Variants in TMEM200A observed in about 807,000 individuals in gnomAD.
TMEM200A encodes the protein transmembrane protein 200A.
TMEM200A carries 12 observed loss-of-function variants against 24.3 expected under a neutral mutation model. The observed-to-expected ratio is 0.49, with a 90% CI of 0.32 to 0.80. The LOEUF (loss-of-function observed/expected upper bound fraction) is 0.80, where lower values mean the gene tolerates loss of function less well. Ranked by LOEUF, TMEM200A falls within the 30% of genes least tolerant of loss-of-function variation. TMEM200A has a pLI of 0.04. For synonymous variants in TMEM200A, 224 were observed against 224.4 expected (o/e 1.00, Z 0.02); for missense variants, 545 against 614.4 (o/e 0.89, Z 1.19).
intron 1 of TMEM200A, among the ~76,000 whole-genome samples, chr6:130,370,242 T>G (rs533286461): frequency 6.6e-6 from 1 of 152,324 alleles, no homozygotes; most frequent in African/African-American, 2.4e-5. Context: ...AAAGAGGTCC[T>G]TTCTCTTCCA....
chr6:130,414,284 T>C (rs1255375428), intron 2 of TMEM200A, among the ~76,000 whole-genome samples: 1 of 151,806 alleles, frequency 6.6e-6, no homozygotes, highest in African/African-American at 2.4e-5. Flanking sequence ...ATACAAAAAT[T>C]AGCTGGGTGT....
chr6:130,395,928 A>G (rs1778942229), intron 2 of TMEM200A, among the ~76,000 whole-genome samples: 1 of 152,206 alleles, frequency 6.6e-6, no homozygotes, highest in Admixed American at 6.5e-5. Flanking sequence ...TAGTGCCTTT[A>G]GTGGCTAAAA....
chr6:130,378,098 A>G (rs1403529700), intron 1 of TMEM200A, among the ~76,000 whole-genome samples: 1 of 152,158 alleles, frequency 6.6e-6, no homozygotes, highest in Non-Finnish European at 1.5e-5. Context: ...GGCCAGTGTG[A>G]TTAGAACAAA....
chr6:130,408,246 G>A (rs1436729523), intron 2 of TMEM200A, among the ~76,000 whole-genome samples: 2 of 152,186 alleles, frequency 1.3e-5, no homozygotes, highest in East Asian at 3.9e-4. Context: ...GAATTTACCA[G>A]AAGGATCAGG....
At chr6:130,387,525 G>A (rs527560716) in intron 2 of TMEM200A, among the ~76,000 whole-genome samples, 2 of 152,200 alleles carry the variant, frequency 1.3e-5, no homozygotes, top group East Asian at 1.9e-4. Flanking sequence ...CGCCTGCCTC[G>A]GCCTCCCAAA....
chr6:130,377,022 A>G (rs1328980379), intron 1 of TMEM200A, among the ~76,000 whole-genome samples: 1 of 152,178 alleles, frequency 6.6e-6, no homozygotes, highest in Non-Finnish European at 1.5e-5. Flanking sequence ...GATCTATTCA[A>G]ATATACTTAT....
intron 2 of TMEM200A, among the ~76,000 whole-genome samples, chr6:130,409,142 C>G (rs1281574861): frequency 5.9e-5 from 9 of 152,174 alleles, no homozygotes; most frequent in Non-Finnish European, 1.3e-4. Context: ...TCATGGTGGT[C>G]TAAGGTTTTC....
chr6:130,371,072 T>G (rs1001206829), intron 1 of TMEM200A, among the ~76,000 whole-genome samples: 10 of 152,176 alleles, frequency 6.6e-5, no homozygotes, highest in Admixed American at 6.5e-4. Flanking sequence ...GAAGTTCTTA[T>G]GAGGTTATAT....
In TMEM200A at chr6:130,427,319, CT is replaced by C. The variant is rs745811198; in HGVS notation, c.-16-13087del. On this transcript the variant is annotated intron_variant, in intron 2 of 2. Coordinates refer to ENST00000296978, the MANE Select transcript of TMEM200A (RefSeq NM_001258277.2). Reference sequence around the variant, plus strand: ...GCCATGAACAGAATTCTAACTATTTCTGCTCTAGAAACTCAGAAATATCATG... The same window carrying C: ...GCCATGAACAGAATTCTAACTATTTCGCTCTAGAAACTCAGAAATATCATG... 6.6e-5 allele frequency among the ~76,000 whole-genome samples: 10 copies of C among 152,288 alleles called. No homozygotes were observed. The South Asian group carries it at 1.0e-3, about 16-fold the overall frequency.
At chr6:130,436,828 G>A (rs1253300114) in intron 2 of TMEM200A, among the ~76,000 whole-genome samples, 1 of 151,590 alleles carries the variant, frequency 6.6e-6, no homozygotes, top group Non-Finnish European at 1.5e-5. Flanking sequence ...CTAAAAAAAT[G>A]TTTTGTAGAG....
intron 1 of TMEM200A, among the ~76,000 whole-genome samples, chr6:130,372,066 T>G (rs1428414655): frequency 6.6e-6 from 1 of 152,198 alleles, no homozygotes; most frequent in Non-Finnish European, 1.5e-5. Context: ...GAAGGTTAAG[T>G]GACTTGCCCG....
intron 2 of TMEM200A, among the ~76,000 whole-genome samples, chr6:130,389,128 T>G (rs965725623): frequency 6.6e-6 from 1 of 152,168 alleles, no homozygotes; most frequent in African/African-American, 2.4e-5. Flanking sequence ...CTATAGATTG[T>G]TAGATTTGGA....
intron 2 of TMEM200A, among the ~76,000 whole-genome samples, chr6:130,385,885 T>C (rs1304004880): frequency 6.6e-6 from 1 of 152,128 alleles, no homozygotes; most frequent in Non-Finnish European, 1.5e-5. Flanking sequence ...AAATGCAAAA[T>C]GAACAGTTGA....
chr6:130,437,101 C>A (rs763245239), intron 2 of TMEM200A: 1 of 152,158 alleles, frequency 6.6e-6, no homozygotes, highest in Non-Finnish European at 1.5e-5. Context: ...AACTCCATGG[C>A]AGATGTGTAT....
chr6:130,396,559 A>G (rs1778958888), intron 2 of TMEM200A, among the ~76,000 whole-genome samples: 1 of 152,014 alleles, frequency 6.6e-6, no homozygotes, highest in African/African-American at 2.4e-5. Flanking sequence ...GTTGGCAGTA[A>G]TCTATCCATA....
intron 1 of TMEM200A, among the ~76,000 whole-genome samples, chr6:130,379,481 T>G (rs1420993976): frequency 6.6e-6 from 1 of 151,126 alleles, no homozygotes; most frequent in South Asian, 2.1e-4. Context: ...TAAATATTAA[T>G]GAAGGGAGAA....
chr6:130,413,920 G>A lies in TMEM200A; in HGVS notation c.-16-26487G>A, dbSNP rs577981734. ...TCATTATCTTCCCTCTTCCAAATAG[G>A]AGTTTTAAATTCTCACACTAGAATT... On this transcript the variant is annotated intron_variant, in intron 2 of 2. Transcript: ENST00000296978. Among the ~76,000 whole-genome samples the A allele has an allele frequency of 6.6e-5, 10 of 152,136 alleles. 1 individual carries two copies. The South Asian group carries it at 2.1e-3, about 32-fold the overall frequency.
At chr6:130,387,531 C>A (rs1012361765) in intron 2 of TMEM200A, among the ~76,000 whole-genome samples, 3 of 152,176 alleles carry the variant, frequency 2.0e-5, no homozygotes, top group African/African-American at 7.2e-5. Context: ...CCTCGGCCTC[C>A]CAAAGTGCTG....
intron 2 of TMEM200A, among the ~76,000 whole-genome samples, chr6:130,423,474 G>A (rs779072042): frequency 5.9e-5 from 9 of 151,966 alleles, no homozygotes; most frequent in Non-Finnish European, 1.0e-4. Flanking sequence ...TTGGAAAATC[G>A]TTGCTTTAAA....
Sources: allele counts gnomAD v4.1 joint callset (sites outside exome capture counted in the v4.1 genomes callset), GRCh38; gene constraint gnomAD v4.1.1; transcripts MANE v1.5; gene names NCBI Gene and HGNC (gene_info 2026-07-23, HGNC 2026-07-21).